Variants in JMJD1C observed in about 807,000 individuals in gnomAD.
The protein encoded by JMJD1C is jumonji domain containing 1C.
A neutral mutation model predicts 245.3 loss-of-function variants in JMJD1C; 31 were observed. That is an observed-to-expected ratio of 0.13 (90% CI 0.09 to 0.17). The LOEUF (loss-of-function observed/expected upper bound fraction) is 0.17. Among genes scored for constraint, JMJD1C ranks in the 10% least tolerant of loss-of-function variants. The pLI, the probability that JMJD1C is intolerant of heterozygous loss-of-function variation, is 1.00. For missense variants in JMJD1C, 2,691 were observed against 3,000.2 expected (o/e 0.90, Z 2.41); for synonymous variants, 1,057 against 1,017.4 (o/e 1.04, Z -0.74).
chr10:63,188,793 G>A (rs1407453874), intron 18 of JMJD1C, among the ~76,000 whole-genome samples: 2 of 152,120 alleles, frequency 1.3e-5, no homozygotes, highest in African/African-American at 4.8e-5. Flanking sequence ...ATAGGTTCAT[G>A]AAAAATGCTG....
chr10:63,414,735 TAACAAC>T lies in JMJD1C; in HGVS notation c.169-34259_169-34254del, dbSNP rs544045429. On this transcript the variant is annotated intron_variant, in intron 1 of 25. Coordinates refer to ENST00000399262, the MANE Select transcript of JMJD1C (RefSeq NM_032776.3). ...AAACTTCATCTTTCTTTGCTAAAAA[TAACAAC>T]AACAACAACAACAAAACTCACCGGT... Among the ~76,000 whole-genome samples, 5 of 151,606 alleles carry T rather than the reference TAACAAC, an allele frequency of 3.3e-5. No homozygotes were observed. The South Asian group carries it at 8.3e-4, about 25-fold the overall frequency.
chr10:63,203,834 A>G (rs1846298741), intron 10 of JMJD1C: 2 of 979,486 alleles, frequency 2.0e-6, no homozygotes, highest in South Asian at 4.7e-5. Context: ...ATCATATTAC[A>G]TAGTTTAGGT....
chr10:63,507,664 C>A (rs1360325730), intron 1 of JMJD1C, among the ~76,000 whole-genome samples: 992 of 30,366 alleles, frequency 0.033, 2 homozygotes, highest in African/African-American at 0.044. Context: ...AAAAAAAAAA[C>A]AGTGGCTGTG....
rs142304138 is a variant in JMJD1C, at chr10:63,417,429, T to C, written c.169-36947A>G. Among the ~76,000 whole-genome samples, 1,077 of 152,276 alleles carry C rather than the reference T, an allele frequency of 7.1e-3. 14 individuals are homozygous for C. Among genetic ancestry groups the C allele is most frequent in the African/African-American group, 0.024 (977 of 41,564 alleles). On this transcript the variant is annotated intron_variant, in intron 1 of 25. Transcript: ENST00000399262. The stretch of plus-strand genomic sequence containing the variant: ...GTATATTATGGCTATAAAGTGATGA[T>C]AAAGATTTAAAATATGCCCCTTTTT...
intron 1 of JMJD1C, among the ~76,000 whole-genome samples, chr10:63,399,403 G>C: frequency 6.6e-6 from 1 of 152,122 alleles, no homozygotes; most frequent in South Asian, 2.1e-4. Flanking sequence ...CAGAGTGCTA[G>C]GGGTGCTCAT....
chr10:63,183,608 T>C (rs776613135), intron 21 of JMJD1C, 39 bp from the exon 22 acceptor site: 2 of 1,232,504 alleles, frequency 1.6e-6, no homozygotes, highest in Non-Finnish European at 2.3e-6. Context: ...AAAATATTTA[T>C]ATATATGTAA....
chr10:63,380,795 G>A (rs1347665727), intron 1 of JMJD1C, among the ~76,000 whole-genome samples: 1 of 152,212 alleles, frequency 6.6e-6, no homozygotes, highest in African/African-American at 2.4e-5. Context: ...GAAGCAGAAA[G>A]GGGAACTCTA....
intron 2 of JMJD1C, among the ~76,000 whole-genome samples, chr10:63,331,634 A>G (rs1371520116): frequency 6.6e-6 from 1 of 152,202 alleles, no homozygotes; most frequent in Non-Finnish European, 1.5e-5. Flanking sequence ...ATATATATTG[A>G]GCCAGTCTCG....
chr10:63,461,292 C>T (rs1276530369), intron 1 of JMJD1C, among the ~76,000 whole-genome samples: 2 of 152,128 alleles, frequency 1.3e-5, no homozygotes, highest in Non-Finnish European at 2.9e-5. Context: ...ATCGTATTGA[C>T]CAATGAAGTA....
chr10:63,240,346 A>T (rs1904293), intron 3 of JMJD1C, among the ~76,000 whole-genome samples: 15,087 of 152,228 alleles, frequency 0.099, 2,161 homozygotes, highest in African/African-American at 0.31. Flanking sequence ...AAGACTGATT[A>T]AAAAAATAGG....
At chr10:63,316,150 C>CTA (rs1172843039) in intron 2 of JMJD1C, among the ~76,000 whole-genome samples, 5 of 152,164 alleles carry the variant, frequency 3.3e-5, no homozygotes, top group African/African-American at 1.2e-4. Context: ...CCAGCCTGGG[C>CTA]TATAGAGCAA....
At chr10:63,466,634 C>T (rs1027869740), upstream of JMJD1C, 2 of 152,242 alleles carry the variant, frequency 1.3e-5, no homozygotes, top group Non-Finnish European at 2.9e-5. Flanking sequence ...TGAAATTTCA[C>T]AAACCGTGTC....
At chr10:63,479,980 T>C (rs900648634) in intron 1 of JMJD1C, among the ~76,000 whole-genome samples, 1 of 152,236 alleles carries the variant, frequency 6.6e-6, no homozygotes, top group African/African-American at 2.4e-5. Flanking sequence ...GGGTGATAGA[T>C]TTGCCAAATA....
intron 2 of JMJD1C, among the ~76,000 whole-genome samples, chr10:63,295,995 GTGTGTGTGTA>G (rs1399371051): frequency 4.2e-5 from 2 of 47,356 alleles, no homozygotes; most frequent in Non-Finnish European, 6.7e-5. Context: ...GTGTGTGTGT[GTGTGTGTGTA>G]TATATATATT....
At chr10:63,245,012 CT>C (rs1222609594) in intron 3 of JMJD1C, among the ~76,000 whole-genome samples, 1 of 151,402 alleles carries the variant, frequency 6.6e-6, no homozygotes, top group South Asian at 2.1e-4. Flanking sequence ...TGGCAGGTGC[CT>C]GTAATCCTAG....
intron 1 of JMJD1C, among the ~76,000 whole-genome samples, chr10:63,486,137 TAAAAAAAAAAAAAAAAAAAAAAAA>T (rs1166721473): frequency 1.4e-5 from 1 of 73,288 alleles, no homozygotes; most frequent in African/African-American, 8.1e-5. Context: ...CAAGCAATTG[TAAAAAAAAAAAAAAAAAAAAAAAA>T]AAAAAAACAA....
chr10:63,504,736 G>A (rs970463225), intron 1 of JMJD1C, among the ~76,000 whole-genome samples: 1 of 152,104 alleles, frequency 6.6e-6, no homozygotes, highest in Non-Finnish European at 1.5e-5. Flanking sequence ...GATTGAAACA[G>A]GTCAATAATA....
At chr10:63,210,936 G>A (rs1273331563) in intron 8 of JMJD1C, among the ~76,000 whole-genome samples, 1 of 152,168 alleles carries the variant, frequency 6.6e-6, no homozygotes, top group East Asian at 1.9e-4. Context: ...TGTGATCAAT[G>A]GCAGCATAAT....
At chr10:63,451,106 G>A (rs559686720) in intron 1 of JMJD1C, among the ~76,000 whole-genome samples, 2 of 151,278 alleles carry the variant, frequency 1.3e-5, no homozygotes, top group Non-Finnish European at 2.9e-5. Context: ...GGAGACAAAT[G>A]ACTGGTACAT....
Sources: allele counts gnomAD v4.1 joint callset (sites outside exome capture counted in the v4.1 genomes callset), GRCh38; gene constraint gnomAD v4.1.1; transcripts MANE v1.5; gene names NCBI Gene and HGNC (gene_info 2026-07-23, HGNC 2026-07-21).